The following PHACTR1 variants were observed in gnomAD, a reference collection of about 807,000 sequenced individuals.
PHACTR1 encodes phosphatase and actin regulator 1, also known as RPEL repeat containing 1.
Under a neutral mutation model 69.2 loss-of-function variants are expected in PHACTR1, and 16 were observed. That is an observed-to-expected ratio of 0.23 (90% confidence interval 0.16 to 0.35). The LOEUF is 0.35. PHACTR1 is among the 10% of genes least tolerant of loss of function. PHACTR1 has a pLI of 1.00. For synonymous variants in PHACTR1, 312 were observed against 284.5 expected, an observed-to-expected ratio of 1.10 and a Z score of -0.97; for missense variants, 510 against 734.7, an observed-to-expected ratio of 0.69 and a Z score of 3.54.
intron 5 of PHACTR1, among the ~76,000 whole-genome samples, chr6:13,091,666 C>T (rs1045414232): frequency 6.6e-6 from 1 of 152,056 alleles, no homozygotes; most frequent in African/African-American, 2.4e-5. Flanking sequence ...TCAGTGGGAG[C>T]CCTGAGCTTG....
intron 10 of PHACTR1, among the ~76,000 whole-genome samples, chr6:13,251,723 G>C (rs1003064459): frequency 6.6e-6 from 1 of 152,084 alleles, no homozygotes; most frequent in African/African-American, 2.4e-5. Flanking sequence ...AGTTATCTGC[G>C]CTCTCAAGGG....
chr6:13,036,403 G>A (rs138735856), intron 4 of PHACTR1, among the ~76,000 whole-genome samples: 20 of 152,212 alleles, frequency 1.3e-4, no homozygotes, highest in African/African-American at 3.4e-4. Context: ...GCATAGACAC[G>A]CATTAAATGG....
chr6:13,108,868 G>A (rs1018717556), intron 5 of PHACTR1, among the ~76,000 whole-genome samples: 1 of 151,862 alleles, frequency 6.6e-6, no homozygotes, highest in Non-Finnish European at 1.5e-5. Flanking sequence ...TGTCTCATCT[G>A]TTCTTTGTTC....
chr6:13,069,731 A>G (rs1218887236), intron 5 of PHACTR1, among the ~76,000 whole-genome samples: 1 of 152,136 alleles, frequency 6.6e-6, no homozygotes, highest in Non-Finnish European at 1.5e-5. Context: ...AGCAGGAGCA[A>G]TCTTCTGTTG....
At chr6:12,774,382 T>C (rs549244674) in intron 4 of PHACTR1, among the ~76,000 whole-genome samples, 1 of 151,710 alleles carries the variant, frequency 6.6e-6, no homozygotes, top group East Asian at 1.9e-4. Context: ...ATTTGGCTTT[T>C]GTTGTTGTTG....
Position 13,283,668 on chromosome 6 carries a change from C to G in PHACTR1, c.1650+106C>G, listed in dbSNP as rs537180598. On this transcript the variant is annotated intron_variant, in intron 13 of 14. Transcript: ENST00000332995. This position sits in a 1 kb window ranked among gnomAD's most constrained non-coding sequence, Gnocchi z 4.7. The stretch of plus-strand genomic sequence containing the variant: ...GGGAGACCTGCAGCCAGGCCTCAGC[C>G]GCAGTCCCCATAATGGAGTGTTGAG... 6.5e-7 allele frequency: 1 copy of G among 1,544,824 alleles called. No individual in the cohort carries two copies. The highest frequency in any genetic ancestry group is 8.9e-7 in the Non-Finnish European group (1 of 1,125,090).
intron 7 of PHACTR1, among the ~76,000 whole-genome samples, chr6:13,189,556 G>A (rs779055447): frequency 2.8e-4 from 42 of 152,044 alleles, no homozygotes; most frequent in Non-Finnish European, 5.1e-4. Context: ...ATGCCACCAC[G>A]CCTGGCTAAC....
chr6:13,063,832 A>G (rs1281960552), intron 5 of PHACTR1, among the ~76,000 whole-genome samples: 1 of 151,870 alleles, frequency 6.6e-6, no homozygotes, highest in African/African-American at 2.4e-5. Context: ...AGGGACAGAG[A>G]GTAGTGAGAG....
Position 12,920,419 on chromosome 6 carries a change from TAA to T in PHACTR1, c.251-132943_251-132942del, listed in dbSNP as rs377663089. Among the ~76,000 whole-genome samples the T allele has an allele frequency of 1.4e-4, 21 of 152,344 alleles. No individual in the cohort carries two copies. In the East Asian group the frequency reaches 3.9e-3, roughly 28 times the overall value. On this transcript the variant is annotated intron_variant, in intron 4 of 14. Transcript: ENST00000332995. ...CCCCAGTGTGAATCACTCATCAGTT[TAA>T]AAGAGCAGATTAAGAACTTTTAAAA...
chr6:12,759,153 T>C (rs904079996), intron 4 of PHACTR1, among the ~76,000 whole-genome samples: 1 of 147,154 alleles, frequency 6.8e-6, no homozygotes, highest in African/African-American at 2.5e-5. Context: ...AAAGAATGGC[T>C]GGAACTCACT....
At chr6:12,758,436 A>G (rs953759244) in intron 4 of PHACTR1, among the ~76,000 whole-genome samples, 2 of 146,616 alleles carry the variant, frequency 1.4e-5, no homozygotes, top group South Asian at 4.6e-4. Context: ...ATTGCCCTCC[A>G]GCCTGGGTGA....
chr6:12,779,558 C>T (rs893564288), intron 4 of PHACTR1, among the ~76,000 whole-genome samples: 2 of 150,434 alleles, frequency 1.3e-5, no homozygotes, highest in South Asian at 4.2e-4. Context: ...TAAATAACAC[C>T]TTCTAACCCA....
At chr6:13,092,125 C>T (rs1340400319) in intron 5 of PHACTR1, among the ~76,000 whole-genome samples, 1 of 152,118 alleles carries the variant, frequency 6.6e-6, no homozygotes, top group Non-Finnish European at 1.5e-5. Context: ...GAATCTAATG[C>T]CACTGATCTG....
intron 4 of PHACTR1, among the ~76,000 whole-genome samples, chr6:12,792,831 A>G (rs1262237135): frequency 6.8e-6 from 1 of 147,312 alleles, no homozygotes; most frequent in Non-Finnish European, 1.5e-5. Flanking sequence ...TTTGTGCTTT[A>G]AAGAGAAGCT....
chr6:12,985,534 A>AT (rs1291737368), intron 4 of PHACTR1, among the ~76,000 whole-genome samples: 2 of 130,552 alleles, frequency 1.5e-5, no homozygotes, highest in Non-Finnish European at 3.2e-5. Context: ...AAATTAAAAA[A>AT]AAAAAAAATA....
At chr6:12,785,067 A>G (rs1181353529) in intron 4 of PHACTR1, among the ~76,000 whole-genome samples, 1 of 152,006 alleles carries the variant, frequency 6.6e-6, no homozygotes, top group Non-Finnish European at 1.5e-5. Flanking sequence ...ACACACATAT[A>G]CATATATTAT....
rs117389500 is a variant in PHACTR1, at chr6:13,137,478, T to A, written c.416-22726T>A. On this transcript the variant is annotated intron_variant, in intron 5 of 14. Coordinates refer to ENST00000332995, the MANE Select transcript of PHACTR1 (RefSeq NM_030948.6). The stretch of plus-strand genomic sequence containing the variant: ...GGAAATGTCAACTTAATTCAGAAAT[T>A]CTACATTCAGAATGGAATTTTTGAA... 1.1e-3 allele frequency among the ~76,000 whole-genome samples: 165 copies of A among 152,348 alleles called. 5 individuals carry two copies. The East Asian group carries it at 0.016, about 15-fold the overall frequency.
chr6:13,153,490 C>T (rs1757749252), intron 5 of PHACTR1, among the ~76,000 whole-genome samples: 1 of 152,270 alleles, frequency 6.6e-6, no homozygotes, highest in African/African-American at 2.4e-5. Flanking sequence ...AAAAGCAAAG[C>T]ACAATTTGCT....
intron 10 of PHACTR1, among the ~76,000 whole-genome samples, chr6:13,268,553 A>G (rs1479012377): frequency 2.0e-5 from 3 of 152,218 alleles, no homozygotes; most frequent in African/African-American, 7.2e-5. Flanking sequence ...ATACCCTTAC[A>G]TTATAGGCAT....
Sources: gnomAD v4.1 joint callset for allele counts (sites outside exome capture counted in the v4.1 genomes callset) on GRCh38, gnomAD v4.1.1 for gene constraint, Gnocchi (gnomAD v3.1) non-coding constraint, MANE v1.5 for transcripts, NCBI Gene and HGNC (gene_info 2026-07-23, HGNC 2026-07-21) for gene names.